SLC24A2: variants seen among roughly 807,000 people sequenced by gnomAD.
The protein encoded by SLC24A2 is sodium/potassium/calcium exchanger 2.
In SLC24A2, 36 loss-of-function variants were observed where a neutral mutation model predicts 62.0. The observed-to-expected ratio is 0.58, with a 90% CI of 0.44 to 0.77. SLC24A2 has a LOEUF of 0.77. Among genes scored for constraint, SLC24A2 ranks in the 30% least tolerant of loss-of-function variants. The pLI is 0.00. For missense variants in SLC24A2, 846 were observed against 817.9 expected, an observed-to-expected ratio of 1.03 and a Z score of -0.42; for synonymous variants, 358 against 294.0, an observed-to-expected ratio of 1.22 and a Z score of -2.23.
the SLC24A2 span, among the ~76,000 whole-genome samples, chr9:20,291,112 C>T: frequency 6.6e-6 from 1 of 152,114 alleles, no homozygotes; most frequent in Non-Finnish European, 1.5e-5. Context: ...CTCCAAGGAG[C>T]ATACGGAAGT....
At chr9:20,010,552 T>C in the SLC24A2 span, among the ~76,000 whole-genome samples, 5 of 151,686 alleles carry the variant, frequency 3.3e-5, no homozygotes, top group Non-Finnish European at 5.9e-5. Context: ...ACTACATCAA[T>C]AAAAAAATAA....
chr9:19,546,260 G>A (rs1418016421), intron 8 of SLC24A2, among the ~76,000 whole-genome samples: 1 of 152,228 alleles, frequency 6.6e-6, no homozygotes, highest in Admixed American at 6.5e-5. Context: ...AGTAGGCAGG[G>A]ACGTTTAAGT....
the SLC24A2 span, among the ~76,000 whole-genome samples, chr9:20,160,973 T>A: frequency 1.5e-4 from 22 of 150,996 alleles, no homozygotes; most frequent in African/African-American, 5.3e-4. Context: ...GAGAAGTCAA[T>A]AAAATGAAAA....
At chr9:20,101,952 A>T in the SLC24A2 span, among the ~76,000 whole-genome samples, 2 of 152,170 alleles carry the variant, frequency 1.3e-5, no homozygotes, top group African/African-American at 4.8e-5. Context: ...CAGTGGAGAG[A>T]AAGATCTCTT....
the SLC24A2 span, among the ~76,000 whole-genome samples, chr9:19,912,559 C>T: frequency 6.6e-6 from 1 of 152,112 alleles, no homozygotes; most frequent in Non-Finnish European, 1.5e-5. Flanking sequence ...CTTTTTTCTA[C>T]TGAATGCACG....
At chr9:19,557,328 G>C (rs1013864287) in intron 7 of SLC24A2, among the ~76,000 whole-genome samples, 2 of 152,200 alleles carry the variant, frequency 1.3e-5, no homozygotes, top group African/African-American at 4.8e-5. Context: ...AATTGTAAGA[G>C]GAAATTACAG....
chr9:19,587,366 C>T (rs573882807), intron 5 of SLC24A2, among the ~76,000 whole-genome samples: 150 of 152,242 alleles, frequency 9.9e-4, no homozygotes, highest in African/African-American at 3.4e-3. Flanking sequence ...GAACTTATAG[C>T]ATGTATTGTC....
chr9:20,177,973 C>T, the SLC24A2 span, among the ~76,000 whole-genome samples: 150,793 of 152,210 alleles, frequency 0.99, 74,704 homozygotes, highest in South Asian at 1. Flanking sequence ...TACTTTTTTA[C>T]ACTATACAAT....
chr9:19,726,973 C>T (rs1821190248), intron 2 of SLC24A2, among the ~76,000 whole-genome samples: 1 of 152,202 alleles, frequency 6.6e-6, no homozygotes, highest in South Asian at 2.1e-4. Context: ...GATCATCATA[C>T]TGTCAGAGAC....
the SLC24A2 span, among the ~76,000 whole-genome samples, chr9:19,917,029 A>C: frequency 2.9e-5 from 2 of 68,426 alleles, no homozygotes; most frequent in East Asian, 7.8e-4. Flanking sequence ...TTTGGTAATT[A>C]AATATTTTGA....
chr9:20,041,395 C>T, the SLC24A2 span, among the ~76,000 whole-genome samples: 2 of 152,246 alleles, frequency 1.3e-5, no homozygotes, highest in Non-Finnish European at 2.9e-5. Flanking sequence ...TGTCTCTGTT[C>T]CGCCTGCTGT....
At chr9:19,988,695 C>T in the SLC24A2 span, among the ~76,000 whole-genome samples, 22 of 152,256 alleles carry the variant, frequency 1.4e-4, no homozygotes, top group Middle Eastern at 6.8e-3. Context: ...ATGTCTCTCA[C>T]AGAGGTGGTT....
the SLC24A2 span, among the ~76,000 whole-genome samples, chr9:20,093,155 T>C: frequency 1.3e-5 from 2 of 151,942 alleles, no homozygotes; most frequent in South Asian, 4.2e-4. Context: ...CACCGCCACC[T>C]CCACCTCCCA....
the SLC24A2 span, among the ~76,000 whole-genome samples, chr9:20,131,660 A>C: frequency 6.6e-6 from 1 of 152,200 alleles, no homozygotes; most frequent in Non-Finnish European, 1.5e-5. Context: ...TTGGAAAAGA[A>C]GAAAAGCTGA....
chr9:20,221,398 G>T, the SLC24A2 span, among the ~76,000 whole-genome samples: 1 of 151,892 alleles, frequency 6.6e-6, no homozygotes, highest in Admixed American at 6.6e-5. Context: ...AAAAAGAAAA[G>T]AAAGTTACCA....
At chr9:19,948,949 G>A in the SLC24A2 span, among the ~76,000 whole-genome samples, 36,509 of 151,304 alleles carry the variant, frequency 0.24, 5,359 homozygotes, top group South Asian at 0.4. Flanking sequence ...AACTCTCTTT[G>A]GGGTATGCAA....
chr9:19,983,982 C>T, the SLC24A2 span, among the ~76,000 whole-genome samples: 6 of 152,280 alleles, frequency 3.9e-5, no homozygotes, highest in East Asian at 3.9e-4. Context: ...GAAAGTTATA[C>T]GCATTCAGTA....
chr9:19,825,136 G>A, the SLC24A2 span, among the ~76,000 whole-genome samples: 3 of 152,130 alleles, frequency 2.0e-5, no homozygotes, highest in Admixed American at 1.3e-4. Flanking sequence ...GTATACCTAT[G>A]TAACATACCT....
At chr9:19,895,237 T>G in the SLC24A2 span, among the ~76,000 whole-genome samples, 2 of 152,050 alleles carry the variant, frequency 1.3e-5, no homozygotes, top group Non-Finnish European at 2.9e-5. Flanking sequence ...TTGTTTTTTT[T>G]TTTTTTCTTT....
Sources: allele counts gnomAD v4.1 joint callset (sites outside exome capture counted in the v4.1 genomes callset), GRCh38; gene constraint gnomAD v4.1.1; transcripts MANE v1.5; gene names NCBI Gene and HGNC (gene_info 2026-07-23, HGNC 2026-07-21).